The following HLF variants were observed in gnomAD, a reference collection of about 807,000 sequenced individuals.
The protein encoded by HLF is HLF transcription factor, PAR bZIP family member.
In HLF, 3 loss-of-function variants were observed where a neutral mutation model predicts 22.6. The observed-to-expected ratio is 0.13, with a 90% CI of 0.06 to 0.34. The LOEUF is 0.34. Ranked by LOEUF, HLF falls within the 10% of genes least tolerant of loss-of-function variation. HLF has a pLI of 1.00. For missense variants in HLF, 299 were observed against 389.2 expected, an observed-to-expected ratio of 0.77 and a Z score of 1.95; for synonymous variants, 151 against 151.8, an observed-to-expected ratio of 0.99 and a Z score of 0.04.
chr17:55,309,107 C>T (rs1022689855), intron 2 of HLF, among the ~76,000 whole-genome samples: 3 of 152,218 alleles, frequency 2.0e-5, no homozygotes, highest in Admixed American at 6.5e-5. Context: ...GGGAAATAGG[C>T]TCTGCCTGGA....
At chr17:55,294,690 T>C (rs1473383793) in intron 2 of HLF, among the ~76,000 whole-genome samples, 3 of 152,226 alleles carry the variant, frequency 2.0e-5, no homozygotes, top group Non-Finnish European at 4.4e-5. Flanking sequence ...ACTCAAGGAA[T>C]GTTACGGCTT....
chr17:55,306,392 C>T (rs1039078325), intron 2 of HLF, among the ~76,000 whole-genome samples: 2 of 152,138 alleles, frequency 1.3e-5, no homozygotes, highest in African/African-American at 4.8e-5. Context: ...TTTCTGTTGA[C>T]AGCCTGTTAC....
chr17:55,289,834 C>G (rs1358405985), intron 2 of HLF, among the ~76,000 whole-genome samples: 2 of 152,074 alleles, frequency 1.3e-5, no homozygotes, highest in Non-Finnish European at 1.5e-5. Context: ...AATTCCAAGT[C>G]TGTTTTCTCA....
chr17:55,299,563 A>G (rs987408211), intron 2 of HLF, among the ~76,000 whole-genome samples: 1 of 152,152 alleles, frequency 6.6e-6, no homozygotes, highest in Non-Finnish European at 1.5e-5. Flanking sequence ...ACTTCTAACA[A>G]AATGTTCCCA....
rs916775299 is a variant in HLF at position 55,319,224 on chromosome 17, C to T, written c.673-1440C>T. 8.5e-5 allele frequency among the ~76,000 whole-genome samples: 13 copies of T among 152,264 alleles called. 1 individual carries two copies. The highest frequency in any genetic ancestry group is 6.8e-3 in the Middle Eastern group (2 of 294). ...TTTCTGTATTTGTGCAGGGCAAATG[C>T]CTGTTGAGGGTAATGGGCAGTTTTG... On this transcript the variant is annotated intron_variant, in intron 3 of 3. Coordinates refer to ENST00000226067, the MANE Select transcript of HLF (RefSeq NM_002126.5).
chr17:55,272,220 G>A, intron 2 of HLF: 1 of 152,420 alleles, frequency 6.6e-6, no homozygotes, highest in Non-Finnish European at 1.5e-5. Flanking sequence ...CTCTCCTGGA[G>A]GGACGAATAT....
rs2145382871 is a variant in HLF at position 55,322,482 on chromosome 17, G to GT, written c.*1608dup. On this transcript the variant is annotated 3_prime_UTR_variant, in exon 4 of 4. Coordinates refer to ENST00000226067, the MANE Select transcript of HLF (RefSeq NM_002126.5). ...TTGTACAGAGAAGAAGTGCTTGGGG[G>GT]TTTTTGAAGTCTTTAATATTTTAAG... The GT allele has an allele frequency of 9.6e-6, 2 of 209,076 alleles. No homozygotes were observed. Among genetic ancestry groups the GT allele is most frequent in the East Asian group, 1.5e-4 (2 of 13,708 alleles). The allele number at this position is 209,076 out of a possible 1,614,324, so 13.0% of individuals were successfully genotyped here. A position where few individuals can be genotyped will look rare whatever the true frequency, so the allele number is the denominator to read the frequency against.
In HLF at chr17:55,322,153, C is replaced by T. The variant is rs547193684; in HGVS notation, c.*1274C>T. The T allele has an allele frequency of 4.9e-4, 99 of 202,944 alleles. No homozygotes were observed. The highest frequency in any genetic ancestry group is 1.7e-3 in the Middle Eastern group (1 of 588). 12.6% of individuals were successfully genotyped at this position (202,944 alleles called of 1,614,324 possible). On this transcript the variant is annotated 3_prime_UTR_variant, in exon 4 of 4. Transcript: ENST00000226067. The stretch of plus-strand genomic sequence containing the variant: ...CTGTTTGCTTTTGAACGTATGTGCT[C>T]TTATAAAGTGGACTTCTGAAAAATG...
intron 2 of HLF, among the ~76,000 whole-genome samples, chr17:55,296,546 T>A (rs779999770): frequency 6.6e-6 from 1 of 152,202 alleles, no homozygotes; most frequent in African/African-American, 2.4e-5. Context: ...GCATCTTGCC[T>A]TTTTCATTCA....
chr17:55,278,059 C>A (rs1049287542), intron 2 of HLF, among the ~76,000 whole-genome samples: 1 of 152,172 alleles, frequency 6.6e-6, no homozygotes, highest in Non-Finnish European at 1.5e-5. Flanking sequence ...GTAAAAGTTT[C>A]GTTTTTAGAA....
chr17:55,318,424 A>G (rs1372334340), intron 3 of HLF, among the ~76,000 whole-genome samples: 2 of 152,172 alleles, frequency 1.3e-5, no homozygotes, highest in Non-Finnish European at 2.9e-5. Flanking sequence ...TGAGGCTGGG[A>G]AATGAGAGCA....
Position 55,268,008 on chromosome 17 carries a change from G to A in HLF, c.373G>A (p.Asp125Asn), listed in dbSNP as rs1255463700. Residue 125 changes from aspartate (D) to asparagine (N), a missense_variant, in exon 2 of 4, where the codon GAC (aspartate) becomes AAC (asparagine). This residue lies in a region of HLF where 224 missense variants were observed against 298.1 expected (regional missense o/e 0.75). Transcript: ENST00000226067. ...PASSAAPSVM[D>N]LSSRASAPLH... Reference sequence around the variant, plus strand: ...TTCCTCGGCTGCCCCCTCGGTCATGGACCTCAGCAGCCGGGCCTCTGCACC... The same window carrying A: ...TTCCTCGGCTGCCCCCTCGGTCATGAACCTCAGCAGCCGGGCCTCTGCACC... 2.5e-6 allele frequency: 4 copies of A among 1,613,152 alleles called. No individual in the cohort carries two copies. The South Asian group carries it at 4.4e-5, about 18-fold the overall frequency.
rs866010094 is a variant in HLF at position 55,277,272 on chromosome 17, T to C, written c.451+9186T>C. 9.2e-3 allele frequency among the ~76,000 whole-genome samples: 1,058 copies of C among 114,786 alleles called. 13 individuals carry two copies. The highest frequency in any genetic ancestry group is 0.039 in the African/African-American group (964 of 24,844). The allele number at this position is 114,786 out of a possible 152,430, so 75.3% of individuals were successfully genotyped here. A position where few individuals can be genotyped will look rare whatever the true frequency, so the allele number is the denominator to read the frequency against. On this transcript the variant is annotated intron_variant, in intron 2 of 3. Coordinates refer to ENST00000226067, the MANE Select transcript of HLF (RefSeq NM_002126.5). ...GTGTGTGTGTGTGTGTGTGTGTGTG[T>C]GTGCGCGCGCATGTGTACGTGGGCA... is the stretch of plus-strand genomic sequence containing the variant.
chr17:55,281,437 C>T (rs1337097773), intron 2 of HLF, among the ~76,000 whole-genome samples: 2 of 152,126 alleles, frequency 1.3e-5, no homozygotes, highest in African/African-American at 2.4e-5. Flanking sequence ...CGCTTAAACC[C>T]GGGAGGCGGA....
rs137930515 is a variant in HLF, at chr17:55,284,849, G to A, written c.451+16763G>A. Among the ~76,000 whole-genome samples, 1,149 of 152,308 alleles carry A rather than the reference G, an allele frequency of 7.5e-3. 14 individuals carry two copies. The highest frequency in any genetic ancestry group is 0.026 in the African/African-American group (1,085 of 41,562). ...GTGAATTTGAAAGTCCGGAGATTAA[G>A]TCATATGTTGAAAGAGGGCCCAGTG... On this transcript the variant is annotated intron_variant, in intron 2 of 3. Transcript: ENST00000226067.
chr17:55,277,241 A>ATGTG lies in HLF; in HGVS notation c.451+9186_451+9189dup, dbSNP rs60023059. ...GTATATTGAACCAGATGTTATGTGT[A>ATGTG]TGTGTGTGTGTGTGTGTGTGTGTGT... On this transcript the variant is annotated intron_variant, in intron 2 of 3. Coordinates refer to ENST00000226067, the MANE Select transcript of HLF (RefSeq NM_002126.5). Among the ~76,000 whole-genome samples, 964 of 101,538 alleles carry ATGTG rather than the reference A, an allele frequency of 9.5e-3. 13 individuals carry two copies. Among genetic ancestry groups the ATGTG allele is most frequent in the South Asian group, 0.015 (43 of 2,858 alleles). The allele number at this position is 101,538 out of a possible 152,430, so 66.6% of individuals were successfully genotyped here.
chr17:55,322,242 A>G lies in HLF; in HGVS notation c.*1363A>G, dbSNP rs1447368264. ...GTTGTCACAAACTGTGGTTAATCCA[A>G]TCAATTTAAATGTTTACTATAGACC... On this transcript the variant is annotated 3_prime_UTR_variant, in exon 4 of 4. Transcript: ENST00000226067. The G allele has an allele frequency of 2.5e-5, 5 of 198,822 alleles. No homozygotes were observed. The highest frequency in any genetic ancestry group is 1.2e-4 in the African/African-American group (5 of 43,446). 12.3% of individuals were successfully genotyped at this position (198,822 alleles called of 1,614,324 possible).
intron 3 of HLF, among the ~76,000 whole-genome samples, chr17:55,319,481 A>G (rs576625314): frequency 2.7e-5 from 4 of 150,302 alleles, no homozygotes; most frequent in South Asian, 4.4e-4. Context: ...CCATCAGTGA[A>G]TTGGGAAGAT....
intron 2 of HLF, among the ~76,000 whole-genome samples, chr17:55,303,188 C>G (rs1234110638): frequency 1.3e-5 from 2 of 152,214 alleles, no homozygotes; most frequent in Admixed American, 1.3e-4. Flanking sequence ...CTCCAGCTGT[C>G]TCTTGTTGCC....
Sources: gnomAD v4.1 joint callset for allele counts (sites outside exome capture counted in the v4.1 genomes callset) on GRCh38, gnomAD v4.1.1 for gene constraint, gnomAD v4.1.1 regional missense constraint, MANE v1.5 for transcripts, NCBI Gene and HGNC (gene_info 2026-07-23, HGNC 2026-07-21) for gene names.